TSNARE1: variants seen among roughly 807,000 people sequenced by gnomAD.
TSNARE1 encodes t-SNARE domain-containing protein 1.
In TSNARE1, 49 loss-of-function variants were observed where a neutral mutation model predicts 62.0. The observed-to-expected ratio is 0.79, with a 90% CI of 0.63 to 1.00. The LOEUF is 1.00. Among genes scored for constraint, TSNARE1 ranks in the 50% least tolerant of loss-of-function variants. The pLI is 0.00. For missense variants in TSNARE1, 755 were observed against 700.1 expected (o/e 1.08, Z -0.88); for synonymous variants, 328 against 294.4 (o/e 1.11, Z -1.17).
At chr8:142,248,397 C>T (rs748226986) in intron 12 of TSNARE1, among the ~76,000 whole-genome samples, 5 of 152,208 alleles carry the variant, frequency 3.3e-5, no homozygotes, top group Admixed American at 6.5e-5. Context: ...GATTGAGTAA[C>T]GGGACAAAGA....
At chr8:142,226,875 G>C (rs1329947558) in intron 13 of TSNARE1, among the ~76,000 whole-genome samples, 1 of 152,056 alleles carries the variant, frequency 6.6e-6, no homozygotes, top group Admixed American at 6.5e-5. Context: ...CCCTGGGCAA[G>C]CTGCTGAGCC....
At chr8:142,281,564 A>G (rs958532206) in intron 11 of TSNARE1, among the ~76,000 whole-genome samples, 1 of 151,930 alleles carries the variant, frequency 6.6e-6, no homozygotes, top group African/African-American at 2.4e-5. Context: ...CTCCACAAGC[A>G]GAGGAGGCCA....
chr8:142,360,138 G>T (rs1835042063), intron 1 of TSNARE1, among the ~76,000 whole-genome samples: 1 of 152,238 alleles, frequency 6.6e-6, no homozygotes, highest in African/African-American at 2.4e-5. Context: ...GGACGCGGTG[G>T]CGCCCCCAAG....
At chr8:142,278,266 T>TG (rs1820827671) in intron 11 of TSNARE1, 1 of 985,246 alleles carries the variant, frequency 1.0e-6, no homozygotes, top group Non-Finnish European at 1.2e-6. Flanking sequence ...TGCCCATGGG[T>TG]CCCAGCCTCA....
At position 142,345,909 on chromosome 8, in the gene TSNARE1, A is replaced by G. The variant is rs762534471; in HGVS notation, c.89-17T>C. The G allele has an allele frequency of 1.2e-6, 2 of 1,609,982 alleles. No individual in the cohort carries two copies. The highest frequency in any genetic ancestry group is 1.7e-5 in the Admixed American group (1 of 59,728). On this transcript the variant is annotated splice_polypyrimidine_tract_variant and intron_variant, in intron 2 of 13. Coordinates refer to ENST00000524325, the MANE Select transcript of TSNARE1 (RefSeq NM_145003.5). ...TAGCGCACTCTACGGACAGCAAGGG[A>G]CAGTCACGATTACTCTCAGCTCAGG... is the stretch of plus-strand genomic sequence containing the variant.
chr8:142,336,251 A>G (rs1209277717), intron 4 of TSNARE1, among the ~76,000 whole-genome samples: 2 of 143,388 alleles, frequency 1.4e-5, no homozygotes, highest in South Asian at 4.9e-4. Context: ...GCTACATTTT[A>G]GCATGGACAA....
chr8:142,260,972 GGGAGGGAGGGA>G (rs1818831828), intron 12 of TSNARE1, among the ~76,000 whole-genome samples: 1 of 2,332 alleles, frequency 4.3e-4, no homozygotes, highest in Non-Finnish European at 1.6e-3. Context: ...CAGTCAGGGA[GGGAGGGAGGGA>G]GGAGAGAGGG....
chr8:142,394,019 A>C (rs1406235746), intron 1 of TSNARE1, among the ~76,000 whole-genome samples: 1 of 152,220 alleles, frequency 6.6e-6, no homozygotes, highest in African/African-American at 2.4e-5. Flanking sequence ...AAGCAAAACC[A>C]TACAGGTTAC....
intron 1 of TSNARE1, among the ~76,000 whole-genome samples, chr8:142,367,304 G>T (rs1835618982): frequency 6.6e-6 from 1 of 152,192 alleles, no homozygotes; most frequent in Admixed American, 6.5e-5. Flanking sequence ...AGAATAACTG[G>T]GAAAACGCTA....
chr8:142,357,783 TAAGG>T (rs1160732098), intron 1 of TSNARE1, among the ~76,000 whole-genome samples: 3 of 151,982 alleles, frequency 2.0e-5, no homozygotes, highest in African/African-American at 4.8e-5. Context: ...GGACAGTTGT[TAAGG>T]AAGAGAACTC....
At chr8:142,257,999 T>TCA (rs758321655) in intron 12 of TSNARE1, among the ~76,000 whole-genome samples, 11 of 151,606 alleles carry the variant, frequency 7.3e-5, no homozygotes, top group East Asian at 1.9e-4. Context: ...ACACTCAAGC[T>TCA]CACACACACA....
intron 13 of TSNARE1, among the ~76,000 whole-genome samples, chr8:142,216,890 A>G (rs1352925551): frequency 6.6e-6 from 1 of 152,188 alleles, no homozygotes; most frequent in African/African-American, 2.4e-5. Flanking sequence ...CCGGGGTTTC[A>G]GCCCCCATCA....
At position 142,311,290 on chromosome 8, in the gene TSNARE1, G is replaced by GTTTTTTTTTTT. The variant is rs58755110; in HGVS notation, c.1131+3083_1131+3093dup. 1.6e-3 allele frequency among the ~76,000 whole-genome samples: 93 copies of GTTTTTTTTTTT among 57,346 alleles called. 10 individuals are homozygous for GTTTTTTTTTTT. Among genetic ancestry groups the GTTTTTTTTTTT allele is most frequent in the African/African-American group, 7.4e-3 (79 of 10,728 alleles). 37.6% of individuals were successfully genotyped at this position (57,346 alleles called of 152,430 possible). A position where few individuals can be genotyped will look rare whatever the true frequency, so the allele number is the denominator to read the frequency against. ...CGATTCTCCTGCCTCAGCCTCTCTAGTTTTTTTTTTTTTTTTTTTTTTTTG... is the reference window on the plus strand; with the variant it reads ...CGATTCTCCTGCCTCAGCCTCTCTAGTTTTTTTTTTTTTTTTTTTTTTTTTTTTTTTTTTTG... On this transcript the variant is annotated intron_variant, in intron 9 of 13. Transcript: ENST00000524325.
intron 12 of TSNARE1, 151 bp downstream of exon 12, chr8:142,274,630 G>A (rs1363184959): frequency 1.9e-5 from 25 of 1,333,338 alleles, no homozygotes; most frequent in East Asian, 1.9e-4. Context: ...CCTAGGGCAC[G>A]GGCAGCAGAC....
At chr8:142,239,469 C>G (rs1817586549) in intron 12 of TSNARE1, among the ~76,000 whole-genome samples, 1 of 152,210 alleles carries the variant, frequency 6.6e-6, no homozygotes, top group Non-Finnish European at 1.5e-5. Context: ...GATGTCTAAC[C>G]TGAGACTTCA....
chr8:142,314,949 C>G, intron 8 of TSNARE1, 54 bp downstream of exon 8: 1 of 1,574,218 alleles, frequency 6.4e-7, no homozygotes, highest in Non-Finnish European at 8.7e-7. Flanking sequence ...CTCCGGGAAC[C>G]GAGGCCGACC....
intron 1 of TSNARE1, among the ~76,000 whole-genome samples, chr8:142,361,185 C>T (rs1283224529): frequency 2.0e-5 from 3 of 152,232 alleles, no homozygotes; most frequent in East Asian, 3.8e-4. Context: ...ACCTCTGACC[C>T]GGGCACCGTG....
At chr8:142,401,383 A>C (rs1838280010) in intron 1 of TSNARE1, among the ~76,000 whole-genome samples, 2 of 143,782 alleles carry the variant, frequency 1.4e-5, no homozygotes, top group Non-Finnish European at 3.0e-5. Context: ...ATCGACAGGC[A>C]CACCAGTGAG....
At chr8:142,340,712 C>T (rs1294302176) in intron 4 of TSNARE1, among the ~76,000 whole-genome samples, 26 of 152,202 alleles carry the variant, frequency 1.7e-4, no homozygotes, top group Admixed American at 1.7e-3. Flanking sequence ...GGGTGCCATC[C>T]CCTCTCGACC....
Sources: allele counts gnomAD v4.1 joint callset (sites outside exome capture counted in the v4.1 genomes callset), GRCh38; gene constraint gnomAD v4.1.1; transcripts MANE v1.5; gene names NCBI Gene and HGNC (gene_info 2026-07-23, HGNC 2026-07-21).